Variants in NTRK3 observed in about 807,000 individuals in gnomAD.
The protein encoded by NTRK3 is neurotrophic receptor tyrosine kinase 3.
Under a neutral mutation model 91.7 loss-of-function variants are expected in NTRK3, and 24 were observed. The observed-to-expected ratio is 0.26, with a 90% CI of 0.19 to 0.37. NTRK3 has a LOEUF of 0.37. Ranked by LOEUF, NTRK3 falls within the 10% of genes least tolerant of loss-of-function variation. The probability of loss-of-function intolerance (pLI) is 1.00; values close to 1 mark genes in which losing one functional copy is unlikely to be tolerated. For missense variants in NTRK3, 880 were observed against 1,068.9 expected (o/e 0.82, Z 2.46); for synonymous variants, 483 against 404.0 (o/e 1.20, Z -2.34).
At chr15:88,022,094 G>C (rs2077641059) in intron 14 of NTRK3, among the ~76,000 whole-genome samples, 1 of 152,124 alleles carries the variant, frequency 6.6e-6, no homozygotes, top group African/African-American at 2.4e-5. Flanking sequence ...GATGAGGGCG[G>C]AGTCCATCAT....
intron 3 of NTRK3, among the ~76,000 whole-genome samples, chr15:88,190,419 G>A (rs184325126): frequency 6.6e-6 from 1 of 152,190 alleles, no homozygotes; most frequent in Admixed American, 6.5e-5. Context: ...CCAGCCTAAT[G>A]AGCCTGCCAG....
chr15:88,020,763 C>T (rs2077539665), intron 14 of NTRK3, among the ~76,000 whole-genome samples: 1 of 152,166 alleles, frequency 6.6e-6, no homozygotes, highest in African/African-American at 2.4e-5. Flanking sequence ...GGTCTAAGGC[C>T]ACCCACTCTC....
chr15:88,021,545 G>A (rs887330547), intron 14 of NTRK3, among the ~76,000 whole-genome samples: 35 of 152,026 alleles, frequency 2.3e-4, no homozygotes, highest in African/African-American at 8.0e-4. Flanking sequence ...CAGTACGAAA[G>A]TTACTTAATC....
At position 87,931,402 on chromosome 15, in the gene NTRK3, A is replaced by G. The variant is rs143316238; in HGVS notation, c.1889+1610T>C. On this transcript the variant is annotated intron_variant, in intron 16 of 18. Transcript: ENST00000394480. ...ACAAAATAGTAATAGTAATAACTTC[A>G]ATAGCAGCTACCATTGGCTGATCAC... Among the ~76,000 whole-genome samples, 26 of 152,362 alleles carry G rather than the reference A, an allele frequency of 1.7e-4. 1 individual carries two copies. In the East Asian group the frequency reaches 4.4e-3, roughly 26 times the overall value.
intron 13 of NTRK3, among the ~76,000 whole-genome samples, chr15:88,121,247 C>T (rs1207104991): frequency 1.3e-5 from 2 of 152,210 alleles, no homozygotes; most frequent in African/African-American, 2.4e-5. Flanking sequence ...GACACACTAA[C>T]ACCTATTGCC....
intron 6 of NTRK3, among the ~76,000 whole-genome samples, chr15:88,143,412 T>G (rs553439891): frequency 1.3e-5 from 2 of 152,318 alleles, no homozygotes; most frequent in East Asian, 3.9e-4. Context: ...AGTGTGGCCC[T>G]GCCAACTCCC....
chr15:88,244,398 A>T (rs1240233525), intron 3 of NTRK3, among the ~76,000 whole-genome samples: 4 of 152,218 alleles, frequency 2.6e-5, no homozygotes, highest in Admixed American at 2.0e-4. Context: ...CTCACAGTTT[A>T]AAAAAGCAAG....
chr15:87,992,202 C>G (rs1361994353), intron 14 of NTRK3, among the ~76,000 whole-genome samples: 3 of 152,204 alleles, frequency 2.0e-5, no homozygotes, highest in African/African-American at 7.2e-5. Flanking sequence ...AGGCTGCCAT[C>G]CTGATATTGA....
chr15:87,947,848 G>A (rs1329162146), intron 14 of NTRK3, among the ~76,000 whole-genome samples: 1 of 152,288 alleles, frequency 6.6e-6, no homozygotes, highest in African/African-American at 2.4e-5. Context: ...GAAATGGAAT[G>A]TCTTTAAATG....
chr15:87,912,180 T>C (rs921189156), intron 17 of NTRK3, among the ~76,000 whole-genome samples: 1 of 152,214 alleles, frequency 6.6e-6, no homozygotes, highest in Non-Finnish European at 1.5e-5. Context: ...CATCTTTGCT[T>C]GCTGCGTTGA....
intron 3 of NTRK3, among the ~76,000 whole-genome samples, chr15:88,206,443 G>C (rs1243174964): frequency 6.7e-6 from 1 of 149,180 alleles, no homozygotes; most frequent in East Asian, 2.0e-4. Flanking sequence ...CGGATCACGA[G>C]GTCAGGAGAT....
At chr15:88,247,965 C>A (rs1371890593) in intron 3 of NTRK3, among the ~76,000 whole-genome samples, 1 of 152,152 alleles carries the variant, frequency 6.6e-6, no homozygotes, top group East Asian at 1.9e-4. Context: ...TTTAGACACC[C>A]CCCTTTTGCT....
At chr15:88,022,355 A>G (rs979356673) in intron 14 of NTRK3, among the ~76,000 whole-genome samples, 3 of 152,212 alleles carry the variant, frequency 2.0e-5, no homozygotes, top group African/African-American at 7.2e-5. Flanking sequence ...TCTTGGGCGC[A>G]ACAATAATGC....
chr15:88,002,168 GTTTTTTTTTTTTTTT>G (rs770668339), intron 14 of NTRK3, among the ~76,000 whole-genome samples: 1 of 70,164 alleles, frequency 1.4e-5, no homozygotes, highest in Non-Finnish European at 2.7e-5. Context: ...GATAGTGGTT[GTTTTTTTTTTTTTTT>G]TTTTTTTTTT....
In NTRK3 at chr15:88,069,942, C is replaced by T. The variant is rs192663154; in HGVS notation, c.1397-36897G>A. On this transcript the variant is annotated intron_variant, in intron 13 of 18. Coordinates refer to ENST00000394480, the Ensembl canonical transcript of NTRK3. ...ACAGGTCGCTGTTGAGAGTCTAGGG[C>T]GATCTCAGAAAGATCCAGGACACCA... 1.2e-3 allele frequency among the ~76,000 whole-genome samples: 177 copies of T among 152,248 alleles called. 2 individuals carry two copies. In the East Asian group the frequency reaches 0.029, roughly 25 times the overall value.
rs1596035950 is a variant in NTRK3 at position 87,869,579 on chromosome 15, T to C, written c.*7356A>G. The C allele has an allele frequency of 1.4e-5, 3 of 212,884 alleles. No homozygotes were observed. The East Asian group carries it at 2.1e-4, about 15-fold the overall frequency. The allele number at this position is 212,884 out of a possible 1,614,324, so 13.2% of individuals were successfully genotyped here. A position where few individuals can be genotyped will look rare whatever the true frequency, so the allele number is the denominator to read the frequency against. ...CTGTTTGTGGCTCTGGGATTCACCT[T>C]GTATTAAGACTTTCGTGGAGTTTGA... On this transcript the variant is annotated 3_prime_UTR_variant, in exon 19 of 19. Coordinates refer to ENST00000394480, the Ensembl canonical transcript of NTRK3.
chr15:88,105,828 T>C (rs1006749378), intron 13 of NTRK3, among the ~76,000 whole-genome samples: 8 of 152,138 alleles, frequency 5.3e-5, no homozygotes, highest in African/African-American at 1.9e-4. Flanking sequence ...GCTTTCCATA[T>C]GTAATCCCAG....
intron 5 of NTRK3, among the ~76,000 whole-genome samples, chr15:88,178,148 C>T (rs1244952327): frequency 6.6e-6 from 1 of 152,174 alleles, no homozygotes; most frequent in African/African-American, 2.4e-5. Flanking sequence ...GTTGCCAATC[C>T]TTTTGGGACT....
chr15:88,188,573 A>G (rs1005517727), intron 3 of NTRK3, among the ~76,000 whole-genome samples: 43 of 152,356 alleles, frequency 2.8e-4, no homozygotes, highest in African/African-American at 9.9e-4. Flanking sequence ...CAAGAGTCTC[A>G]TGGCTTAAAA....
Sources: allele counts gnomAD v4.1 joint callset (sites outside exome capture counted in the v4.1 genomes callset), GRCh38; gene constraint gnomAD v4.1.1; transcripts MANE v1.5; gene names NCBI Gene and HGNC (gene_info 2026-07-23, HGNC 2026-07-21).